Variants in FEZ1 observed in about 807,000 individuals in gnomAD.
FEZ1 encodes the protein fasciculation and elongation protein zeta-1.
FEZ1 carries 20 observed loss-of-function variants against 49.3 expected under a neutral mutation model. That is an observed-to-expected ratio of 0.41 (90% CI 0.29 to 0.59). The LOEUF (loss-of-function observed/expected upper bound fraction) is 0.59. Among genes scored for constraint, FEZ1 ranks in the 20% least tolerant of loss-of-function variants. The pLI, the probability that FEZ1 is intolerant of heterozygous loss-of-function variation, is 0.36. For synonymous variants in FEZ1, 170 were observed against 180.9 expected (o/e 0.94, Z 0.48); for missense variants, 413 against 476.0 (o/e 0.87, Z 1.23).
chr11:125,466,524 T>C (rs1591590547), intron 3 of FEZ1, among the ~76,000 whole-genome samples: 1 of 152,098 alleles, frequency 6.6e-6, no homozygotes, highest in South Asian at 2.1e-4. Flanking sequence ...TTGGATACTA[T>C]TGACGTGAAC....
At chr11:125,461,254 T>A (rs12789687) in intron 4 of FEZ1, among the ~76,000 whole-genome samples, 2 of 151,988 alleles carry the variant, frequency 1.3e-5, no homozygotes, top group South Asian at 4.1e-4. Context: ...ATCTAGACTA[T>A]TGACAGGAGC....
At chr11:125,465,039 C>T (rs750869843) in intron 3 of FEZ1, among the ~76,000 whole-genome samples, 1 of 152,064 alleles carries the variant, frequency 6.6e-6, no homozygotes, top group Admixed American at 6.5e-5. Flanking sequence ...ATTAAGAGAA[C>T]GAAGATACAT....
At chr11:125,473,339 C>T (rs1229121534) in intron 3 of FEZ1, among the ~76,000 whole-genome samples, 1 of 152,118 alleles carries the variant, frequency 6.6e-6, no homozygotes, top group Admixed American at 6.5e-5. Context: ...AATTGAATAG[C>T]CATATGCAGA....
At chr11:125,480,813 G>T (rs1957272122) in intron 3 of FEZ1, among the ~76,000 whole-genome samples, 1 of 152,190 alleles carries the variant, frequency 6.6e-6, no homozygotes, top group Admixed American at 6.5e-5. Context: ...GCCAAGGCGG[G>T]CGGATCACGG....
Position 125,456,119 on chromosome 11 carries a change from A to G in FEZ1, c.668-13T>C. ...ATGTGCCTCAGCCCTGCAGGGGAAG[A>G]CCGTCTCCCGCATAACACCTGCATC... On this transcript the variant is annotated splice_polypyrimidine_tract_variant and intron_variant, in intron 5 of 9. Coordinates refer to ENST00000278919, the MANE Select transcript of FEZ1 (RefSeq NM_005103.5). The G allele has an allele frequency of 6.4e-7, 1 of 1,567,318 alleles. No homozygotes were observed. The highest frequency in any genetic ancestry group is 8.6e-7 in the Non-Finnish European group (1 of 1,158,834).
chr11:125,472,161 A>G (rs1324524580), intron 3 of FEZ1, among the ~76,000 whole-genome samples: 1 of 152,110 alleles, frequency 6.6e-6, no homozygotes, highest in African/African-American at 2.4e-5. Flanking sequence ...AGTTTAAAAT[A>G]TAATCAAATT....
intron 5 of FEZ1, among the ~76,000 whole-genome samples, chr11:125,457,429 A>AAAAAAAAT (rs1164500309): frequency 5.7e-4 from 12 of 20,910 alleles, no homozygotes; most frequent in Non-Finnish European, 7.9e-4. Flanking sequence ...AAAAAAAAAA[A>AAAAAAAAT]ATATATATAT....
chr11:125,496,150 T>C lies in FEZ1; in HGVS notation c.-75A>G, dbSNP rs1957468646. On this transcript the variant is annotated 5_prime_UTR_variant, in exon 1 of 10. Transcript: ENST00000278919. ...GCGGGTCCTGGCGGAGGGAGGCGGA[T>C]CCCGGGGCTCAGCCGGACACCCCCA... 6.6e-6 allele frequency: 1 copy of C among 152,170 alleles called. No homozygotes were observed. The highest frequency in any genetic ancestry group is 2.4e-5 in the African/African-American group (1 of 41,248). 9.4% of individuals were successfully genotyped at this position (152,170 alleles called of 1,614,324 possible).
chr11:125,485,222 G>A (rs1957316235), intron 2 of FEZ1, among the ~76,000 whole-genome samples: 1 of 152,088 alleles, frequency 6.6e-6, no homozygotes, highest in Non-Finnish European at 1.5e-5. Context: ...AACAGAAAAG[G>A]CTTTTTCAGG....
chr11:125,462,861 A>C (rs901908241), intron 4 of FEZ1, among the ~76,000 whole-genome samples: 1 of 151,892 alleles, frequency 6.6e-6, no homozygotes, highest in Admixed American at 6.6e-5. Context: ...TTAGCTGGGC[A>C]TAGTGATGCA....
In FEZ1 at chr11:125,495,522, C is replaced by A. The variant is rs11220100; in HGVS notation, c.-46+599G>T. 9,085 of 471,108 alleles carry A rather than the reference C, an allele frequency of 0.019. 124 individuals are homozygous for A. The highest frequency in any genetic ancestry group is 0.028 in the Middle Eastern group (87 of 3,078). 29.2% of individuals were successfully genotyped at this position (471,108 alleles called of 1,614,324 possible). ...TGTAGTAAAACAATCGCTCTCCCGG[C>A]GTCTGCGGCCGCTGCCAGCGGTTCT... On this transcript the variant is annotated intron_variant, in intron 1 of 9. Coordinates refer to ENST00000278919, the MANE Select transcript of FEZ1 (RefSeq NM_005103.5). The surrounding 1 kb of genome is among the most constrained non-coding windows in gnomAD (Gnocchi z 4.2).
chr11:125,446,559 T>A (rs1185265168), intron 9 of FEZ1, among the ~76,000 whole-genome samples: 2 of 152,222 alleles, frequency 1.3e-5, no homozygotes, highest in African/African-American at 4.8e-5. Flanking sequence ...GTTTCTATAA[T>A]CCTCCTTTGA....
In FEZ1 at chr11:125,445,834, G is replaced by A. The variant is rs925574913; in HGVS notation, c.*261C>T. On this transcript the variant is annotated 3_prime_UTR_variant, in exon 10 of 10. Coordinates refer to ENST00000278919, the MANE Select transcript of FEZ1 (RefSeq NM_005103.5). This position sits in a 1 kb window ranked among gnomAD's most constrained non-coding sequence, Gnocchi z 4.4. ...GGGCTGTAGCCAGACTACATAATGA[G>A]CGGTGAAAGCGGCTGCCTTCCCCTC... 9 of 521,448 alleles carry A rather than the reference G, an allele frequency of 1.7e-5. No individual in the cohort carries two copies. The highest frequency in any genetic ancestry group is 5.4e-4 in the Middle Eastern group (1 of 1,846). 32.3% of individuals were successfully genotyped at this position (521,448 alleles called of 1,614,324 possible).
chr11:125,445,905 T>C lies in FEZ1; in HGVS notation c.*190A>G. 1.5e-6 allele frequency: 1 copy of C among 661,056 alleles called. No homozygotes were observed. The highest frequency in any genetic ancestry group is 2.9e-5 in the East Asian group (1 of 34,970). 40.9% of individuals were successfully genotyped at this position (661,056 alleles called of 1,614,324 possible). A position where few individuals can be genotyped will look rare whatever the true frequency, so the allele number is the denominator to read the frequency against. On this transcript the variant is annotated 3_prime_UTR_variant, in exon 10 of 10. Transcript: ENST00000278919. This position sits in a 1 kb window ranked among gnomAD's most constrained non-coding sequence, Gnocchi z 4.4. ...AGGCACCATCACCGGCCCTGCCCCA[T>C]CATGCATCCAATGATTACTAGCACT...
At chr11:125,490,046 G>T (rs1341186208) in intron 1 of FEZ1, among the ~76,000 whole-genome samples, 8 of 149,476 alleles carry the variant, frequency 5.4e-5, no homozygotes, top group Admixed American at 5.3e-4. Context: ...TTCTTCTCAA[G>T]ACAGATATAA....
rs528411326 is a variant in FEZ1, at chr11:125,445,139, C to T, written c.*956G>A. 7.2e-5 allele frequency among the ~76,000 whole-genome samples: 11 copies of T among 152,278 alleles called. No individual in the cohort carries two copies. Among genetic ancestry groups the T allele is most frequent in the South Asian group, 4.1e-4 (2 of 4,820 alleles). On this transcript the variant is annotated 3_prime_UTR_variant, in exon 10 of 10. Transcript: ENST00000278919. This position sits in a 1 kb window ranked among gnomAD's most constrained non-coding sequence, Gnocchi z 4.4. ...CCTGCCATCAATGCTGGAGACAGTG[C>T]GAGGAGTCAGAGCTGCTGTTCATGG...
At position 125,495,773 on chromosome 11, in the gene FEZ1, C is replaced by G. The variant is rs1412098660; in HGVS notation, c.-46+348G>C. The G allele has an allele frequency of 2.8e-6, 1 of 355,630 alleles. No individual in the cohort carries two copies. Among genetic ancestry groups the G allele is most frequent in the East Asian group, 7.5e-5 (1 of 13,364 alleles). The allele number at this position is 355,630 out of a possible 1,614,324, so 22.0% of individuals were successfully genotyped here. ...CCTCGCCGCCCTGCCTTCACACGCG[C>G]GCACACACGCGGGCACACACACGCG... On this transcript the variant is annotated intron_variant, in intron 1 of 9. Transcript: ENST00000278919. This position sits in a 1 kb window ranked among gnomAD's most constrained non-coding sequence, Gnocchi z 4.2.
In FEZ1 at chr11:125,495,770, G is replaced by A; in HGVS notation, c.-46+351C>T. On this transcript the variant is annotated intron_variant, in intron 1 of 9. Coordinates refer to ENST00000278919, the MANE Select transcript of FEZ1 (RefSeq NM_005103.5). The surrounding 1 kb of genome is among the most constrained non-coding windows in gnomAD (Gnocchi z 4.2). ...ATACCTCGCCGCCCTGCCTTCACAC[G>A]CGCGCACACACGCGGGCACACACAC... 5.6e-6 allele frequency: 2 copies of A among 355,744 alleles called. No individual in the cohort carries two copies. The highest frequency in any genetic ancestry group is 7.5e-5 in the East Asian group (1 of 13,336). 22.0% of individuals were successfully genotyped at this position (355,744 alleles called of 1,614,324 possible).
At chr11:125,463,299 C>CT (rs1957092961) in intron 4 of FEZ1, 185 bp downstream of exon 4, 1 of 448,232 alleles carries the variant, frequency 2.2e-6, no homozygotes, top group Non-Finnish European at 4.0e-6. Flanking sequence ...GAGCAAGACT[C>CT]TGTCTCAAAA....
Sources: gnomAD v4.1 joint callset for allele counts (sites outside exome capture counted in the v4.1 genomes callset) on GRCh38, gnomAD v4.1.1 for gene constraint, Gnocchi (gnomAD v3.1) non-coding constraint, MANE v1.5 for transcripts, NCBI Gene and HGNC (gene_info 2026-07-23, HGNC 2026-07-21) for gene names.